SMOC1: variants seen among roughly 807,000 people sequenced by gnomAD.
SMOC1 encodes SPARC-related modular calcium-binding protein 1.
SMOC1 carries 22 observed loss-of-function variants against 56.3 expected under a neutral mutation model. That is an observed-to-expected ratio of 0.39 (90% CI 0.28 to 0.56). The LOEUF is 0.56. SMOC1 is among the 20% of genes least tolerant of loss of function. The pLI is 0.61. For missense variants in SMOC1, 509 were observed against 565.4 expected, an observed-to-expected ratio of 0.90 and a Z score of 1.01; for synonymous variants, 193 against 215.0, an observed-to-expected ratio of 0.90 and a Z score of 0.89.
rs942496645 is a variant in SMOC1 at position 69,879,700 on chromosome 14, C to T, written c.22C>T (p.Arg8Cys). Residue 8 changes from arginine to cysteine, a missense_variant, in exon 1 of 12, where the codon CGC becomes TGC. Coordinates refer to ENST00000361956, the MANE Select transcript of SMOC1 (RefSeq NM_001034852.3). MLPARCARLLTPHLLLVL... is the reference protein window; with the variant it reads MLPARCACLLTPHLLLVL... ...CACCATGCTGCCCGCGCGCTGCGCC[C>T]GCCTGCTCACGCCCCACTTGCTGCT... 6.3e-7 allele frequency: 1 copy of T among 1,579,774 alleles called. No individual in the cohort carries two copies. The highest frequency in any genetic ancestry group is 8.5e-7 in the Non-Finnish European group (1 of 1,171,698).
At chr14:69,926,153 CT>C in intron 1 of SMOC1, among the ~76,000 whole-genome samples, 1 of 152,222 alleles carries the variant, frequency 6.6e-6, no homozygotes, top group Middle Eastern at 3.4e-3. Context: ...ATTATGTCCT[CT>C]CCTGGATGAT....
At chr14:69,973,567 C>T (rs1425900882) in intron 3 of SMOC1, among the ~76,000 whole-genome samples, 1 of 152,170 alleles carries the variant, frequency 6.6e-6, no homozygotes, top group Non-Finnish European at 1.5e-5. Context: ...GGGTGTGGGA[C>T]ATGGTACTGG....
intron 5 of SMOC1, among the ~76,000 whole-genome samples, chr14:69,991,326 CT>C (rs1446564655): frequency 6.6e-6 from 1 of 152,198 alleles, no homozygotes; most frequent in African/African-American, 2.4e-5. Context: ...CTCTCCAAGC[CT>C]TCTCTAAGGG....
chr14:69,905,461 G>A (rs767306462), intron 1 of SMOC1, among the ~76,000 whole-genome samples: 13 of 152,270 alleles, frequency 8.5e-5, no homozygotes, highest in Non-Finnish European at 1.5e-4. Context: ...ACAAAGGAAC[G>A]TCAACTTGGT....
At chr14:69,881,535 A>G (rs1594783704) in intron 1 of SMOC1, among the ~76,000 whole-genome samples, 1 of 152,272 alleles carries the variant, frequency 6.6e-6, no homozygotes, top group East Asian at 1.9e-4. Flanking sequence ...CAGCTCCTCT[A>G]GTTTATTAAT....
intron 1 of SMOC1, among the ~76,000 whole-genome samples, chr14:69,928,575 G>A (rs1284058460): frequency 2.0e-5 from 3 of 150,350 alleles, no homozygotes; most frequent in Non-Finnish European, 3.0e-5. Context: ...GTGGCTGGGT[G>A]CCTTGGGGTT....
At chr14:69,982,157 T>C (rs1180906709) in intron 5 of SMOC1, among the ~76,000 whole-genome samples, 1 of 152,180 alleles carries the variant, frequency 6.6e-6, no homozygotes, top group Non-Finnish European at 1.5e-5. Context: ...ATTTTTCCCA[T>C]AAGAAGTCTG....
chr14:69,886,462 G>A (rs1343730057), intron 1 of SMOC1, among the ~76,000 whole-genome samples: 1 of 152,214 alleles, frequency 6.6e-6, no homozygotes, highest in Non-Finnish European at 1.5e-5. Flanking sequence ...GTTTAAATCT[G>A]AAATTGGTTA....
At chr14:69,994,186 G>C in intron 6 of SMOC1, 1 of 627,948 alleles carries the variant, frequency 1.6e-6, no homozygotes, top group Non-Finnish European at 2.9e-6. Flanking sequence ...CTGCTTCCCA[G>C]CACAGGATGC....
chr14:69,885,007 T>C (rs949480894), intron 1 of SMOC1, among the ~76,000 whole-genome samples: 1 of 152,240 alleles, frequency 6.6e-6, no homozygotes, highest in African/African-American at 2.4e-5. Context: ...ACTGAATCTG[T>C]AGATTGCTTT....
intron 1 of SMOC1, among the ~76,000 whole-genome samples, chr14:69,899,207 A>G (rs11627546): frequency 6.6e-6 from 1 of 152,036 alleles, no homozygotes; most frequent in Non-Finnish European, 1.5e-5. Flanking sequence ...CTGTGGTTCA[A>G]AATGGCTGCC....
At chr14:69,918,927 A>G (rs1884758384) in intron 1 of SMOC1, among the ~76,000 whole-genome samples, 2 of 152,300 alleles carry the variant, frequency 1.3e-5, no homozygotes, top group South Asian at 4.1e-4. Flanking sequence ...GCAGAAGGAA[A>G]TAGCCTCTTT....
At chr14:69,983,197 C>A (rs532740874) in intron 5 of SMOC1, among the ~76,000 whole-genome samples, 2 of 152,264 alleles carry the variant, frequency 1.3e-5, no homozygotes, top group South Asian at 4.1e-4. Flanking sequence ...CTGCCATATC[C>A]TCATCTCCAA....
Position 69,879,598 on chromosome 14 carries a change from A to C in SMOC1, c.-81A>C. ...CCGCCGCCGCGAGGGCCCCGAGCGA[A>C]GGAAGGAAGGGAGGCGCGCTGTGCG... is the stretch of plus-strand genomic sequence containing the variant. On this transcript the variant is annotated 5_prime_UTR_variant, in exon 1 of 12. Transcript: ENST00000361956. 8.9e-7 allele frequency: 1 copy of C among 1,124,342 alleles called. No homozygotes were observed. The allele number at this position is 1,124,342 out of a possible 1,614,324, so 69.6% of individuals were successfully genotyped here.
At chr14:69,975,210 G>A (rs375480600) in intron 3 of SMOC1, among the ~76,000 whole-genome samples, 1 of 152,150 alleles carries the variant, frequency 6.6e-6, no homozygotes, top group South Asian at 2.1e-4. Flanking sequence ...TGGTGTGGTG[G>A]TGCATGCTTG....
intron 1 of SMOC1, among the ~76,000 whole-genome samples, chr14:69,937,057 G>A (rs568090541): frequency 6.6e-6 from 1 of 152,216 alleles, no homozygotes; most frequent in Non-Finnish European, 1.5e-5. Context: ...TGGGTGAAAA[G>A]TCTTTAGTAC....
chr14:69,920,349 A>C (rs1395963203), intron 1 of SMOC1, among the ~76,000 whole-genome samples: 1 of 152,162 alleles, frequency 6.6e-6, no homozygotes, highest in Non-Finnish European at 1.5e-5. Flanking sequence ...GGTTTTATGG[A>C]CATGTAAATT....
intron 1 of SMOC1, among the ~76,000 whole-genome samples, chr14:69,916,149 A>C (rs1408511997): frequency 6.6e-6 from 1 of 152,178 alleles, no homozygotes; most frequent in Admixed American, 6.5e-5. Context: ...CCATTTACCC[A>C]TTCCTCAACT....
At chr14:69,908,014 T>C (rs759245019) in intron 1 of SMOC1, among the ~76,000 whole-genome samples, 29 of 152,314 alleles carry the variant, frequency 1.9e-4, no homozygotes, top group Non-Finnish European at 4.3e-4. Context: ...ATATGAGTTT[T>C]GGAGGGACAT....
Sources: allele counts gnomAD v4.1 joint callset (sites outside exome capture counted in the v4.1 genomes callset), GRCh38; gene constraint gnomAD v4.1.1; transcripts MANE v1.5; gene names NCBI Gene and HGNC (gene_info 2026-07-23, HGNC 2026-07-21).